ESRRG: variants seen among roughly 807,000 people sequenced by gnomAD.
ESRRG encodes estrogen related receptor gamma, also known as estrogen-related receptor gamma.
ESRRG carries 13 observed loss-of-function variants against 44.0 expected under a neutral mutation model. That is an observed-to-expected ratio of 0.30 (90% confidence interval 0.19 to 0.47). The LOEUF is 0.47. ESRRG is among the 20% of genes least tolerant of loss of function. The probability of loss-of-function intolerance (pLI) is 1.00; values close to 1 mark genes in which losing one functional copy is unlikely to be tolerated. For synonymous variants in ESRRG, 215 were observed against 214.6 expected (o/e 1.00, Z -0.02); for missense variants, 395 against 580.6 (o/e 0.68, Z 3.29).
At chr1:216,723,439 C>T (rs1289731204), upstream of ESRRG, 2 of 734,308 alleles carry the variant, frequency 2.7e-6, no homozygotes, top group Non-Finnish European at 2.4e-6. Flanking sequence ...CTCACACTCT[C>T]CTAATCAAGG....
intron 5 of ESRRG, among the ~76,000 whole-genome samples, chr1:216,562,213 A>G (rs1051590928): frequency 6.6e-6 from 1 of 152,190 alleles, no homozygotes; most frequent in Non-Finnish European, 1.5e-5. Context: ...TCTCCGAAAT[A>G]ATGGGTGGTT....
At chr1:216,974,528 A>T (rs577158886) in intron 1 of ESRRG, among the ~76,000 whole-genome samples, 6 of 152,308 alleles carry the variant, frequency 3.9e-5, no homozygotes, top group Non-Finnish European at 7.4e-5. Flanking sequence ...TTCCTAAACC[A>T]CATATACATT....
At chr1:216,960,788 A>G (rs2818785) in intron 1 of ESRRG, among the ~76,000 whole-genome samples, 78,332 of 151,894 alleles carry the variant, frequency 0.52, 21,925 homozygotes, top group Middle Eastern at 0.7. Context: ...ACAGGGTCTC[A>G]CTGTGTTACC....
intron 4 of ESRRG, among the ~76,000 whole-genome samples, chr1:216,566,980 G>A (rs141957317): frequency 1.7e-3 from 260 of 152,220 alleles, no homozygotes; most frequent in African/African-American, 5.8e-3. Flanking sequence ...GCTCACATAT[G>A]TATGATGCAC....
intron 1 of ESRRG, among the ~76,000 whole-genome samples, chr1:217,086,673 C>A (rs2092100628): frequency 6.6e-6 from 1 of 152,196 alleles, no homozygotes; most frequent in Non-Finnish European, 1.5e-5. Flanking sequence ...TCAAAAGTAT[C>A]TCAACAGTGT....
At chr1:216,940,205 G>A (rs967952079) in intron 1 of ESRRG, among the ~76,000 whole-genome samples, 1 of 152,130 alleles carries the variant, frequency 6.6e-6, no homozygotes, top group African/African-American at 2.4e-5. Context: ...GGAAAAACTT[G>A]AAGCTTCTAT....
intron 2 of ESRRG, among the ~76,000 whole-genome samples, chr1:216,768,749 C>G (rs1240428752): frequency 3.9e-5 from 6 of 152,056 alleles, no homozygotes; most frequent in Non-Finnish European, 8.8e-5. Flanking sequence ...TCTTGGCATC[C>G]CAAAGTGCTG....
At position 216,636,636 on chromosome 1, in the gene ESRRG, T is replaced by C. The variant is rs538253247; in HGVS notation, c.589+14337A>G. On this transcript the variant is annotated intron_variant, in intron 3 of 6. Transcript: ENST00000408911. ...TTCCAGTTAAAATCAATGCATTAAC[T>C]GAGGCTGCAAGTTAGATTCTAGAAC... Among the ~76,000 whole-genome samples, 3 of 152,302 alleles carry C rather than the reference T, an allele frequency of 2.0e-5. No individual in the cohort carries two copies. The South Asian group carries it at 6.2e-4, about 32-fold the overall frequency.
intron 1 of ESRRG, among the ~76,000 whole-genome samples, chr1:217,121,297 G>A (rs185607526): frequency 5.9e-5 from 9 of 152,270 alleles, no homozygotes; most frequent in African/African-American, 1.9e-4. Context: ...GAGAGATTCC[G>A]GGACTAAACC....
At chr1:216,575,272 A>T (rs2149719188) in intron 3 of ESRRG, among the ~76,000 whole-genome samples, 1 of 152,254 alleles carries the variant, frequency 6.6e-6, no homozygotes, top group South Asian at 2.1e-4. Context: ...ATAATTAAAG[A>T]AACCAAACAG....
chr1:216,916,758 G>A (rs1165608466), intron 2 of ESRRG, among the ~76,000 whole-genome samples: 5 of 144,710 alleles, frequency 3.5e-5, no homozygotes, highest in Non-Finnish European at 4.5e-5. Flanking sequence ...CTCCTCTCAT[G>A]AGCAAACACA....
intron 1 of ESRRG, among the ~76,000 whole-genome samples, chr1:217,087,241 G>C (rs2092135951): frequency 1.3e-5 from 2 of 152,176 alleles, no homozygotes; most frequent in African/African-American, 4.8e-5. Context: ...ATTCCTCTCA[G>C]CAACACTTTC....
intron 1 of ESRRG, among the ~76,000 whole-genome samples, chr1:216,710,884 G>A (rs2083453546): frequency 6.6e-6 from 1 of 152,154 alleles, no homozygotes; most frequent in South Asian, 2.1e-4. Flanking sequence ...AGACAGGGGG[G>A]AAATGCACTA....
intron 2 of ESRRG, among the ~76,000 whole-genome samples, chr1:216,824,344 G>A (rs574924676): frequency 6.6e-6 from 1 of 152,232 alleles, no homozygotes; most frequent in East Asian, 1.9e-4. Context: ...TACTCAGAAG[G>A]CTAAGGCAGG....
intron 1 of ESRRG, among the ~76,000 whole-genome samples, chr1:217,124,584 C>A (rs774458181): frequency 8.5e-5 from 13 of 152,226 alleles, no homozygotes; most frequent in Non-Finnish European, 1.9e-4. Flanking sequence ...TGTCAACAAC[C>A]AAACTATTTA....
rs755865443 is a variant in ESRRG, at chr1:216,885,971, G to A, written c.-14+53611C>T. Reference sequence around the variant, plus strand: ...GAACCTCTAGCCTGTAACCATCTTCGTCCCTTTTTTTTAAAAAAAAAACTC... The same window carrying A: ...GAACCTCTAGCCTGTAACCATCTTCATCCCTTTTTTTTAAAAAAAAAACTC... On this transcript the variant is annotated intron_variant, in intron 2 of 7. Coordinates refer to the ESRRG transcript ENST00000359162. Among the ~76,000 whole-genome samples the A allele has an allele frequency of 4.6e-5, 7 of 151,006 alleles. No individual in the cohort carries two copies. The East Asian group carries it at 9.8e-4, about 21-fold the overall frequency.
intron 3 of ESRRG, among the ~76,000 whole-genome samples, chr1:216,582,641 A>C (rs2063016463): frequency 6.6e-6 from 1 of 152,168 alleles, no homozygotes; most frequent in Non-Finnish European, 1.5e-5. Flanking sequence ...GGGTTTCACC[A>C]TGTTGGCCAG....
chr1:216,945,537 C>T (rs1363947993), intron 1 of ESRRG, among the ~76,000 whole-genome samples: 3 of 151,658 alleles, frequency 2.0e-5, no homozygotes, highest in Non-Finnish European at 4.4e-5. Flanking sequence ...CCTCTCTATA[C>T]CTATTTATTT....
intron 2 of ESRRG, among the ~76,000 whole-genome samples, chr1:216,892,597 G>A (rs918645808): frequency 1.3e-5 from 2 of 152,140 alleles, no homozygotes; most frequent in Admixed American, 1.3e-4. Flanking sequence ...GAGGACCTCA[G>A]TTCATGCAGG....
Sources: gnomAD v4.1 joint callset for allele counts (sites outside exome capture counted in the v4.1 genomes callset) on GRCh38, gnomAD v4.1.1 for gene constraint, MANE v1.5 for transcripts, NCBI Gene and HGNC (gene_info 2026-07-23, HGNC 2026-07-21) for gene names.